Variants in ZBP1 observed in about 807,000 individuals in gnomAD.
ZBP1 encodes Z-DNA-binding protein 1.
Under a neutral mutation model 41.1 loss-of-function variants are expected in ZBP1, and 42 were observed. The ratio of observed to expected loss-of-function variants is 1.02; its 90% CI spans 0.80 to 1.32. The LOEUF is 1.32. Ranked by LOEUF, ZBP1 falls within the 40% of genes most tolerant of loss-of-function variation. The pLI is 0.00. For missense variants in ZBP1, 562 were observed against 549.7 expected, an observed-to-expected ratio of 1.02 and a Z score of -0.22; for synonymous variants, 214 against 205.2, an observed-to-expected ratio of 1.04 and a Z score of -0.37.
At position 57,604,581 on chromosome 20, in the gene ZBP1, C is replaced by A; in HGVS notation, c.1282G>T (p.Gly428Trp). ...CCACGTGAGGCTGTGCACTAAATCCCACCTCCCCACCAGCTCCCCTCGTGT... is the reference window on the plus strand; with the variant it reads ...CCACGTGAGGCTGTGCACTAAATCCAACCTCCCCACCAGCTCCCCTCGTGT... ...ASHEGSWWGGGI is the reference protein window; with the variant it reads ...ASHEGSWWGGWI Residue 428 changes from glycine (G) to tryptophan (W), a missense_variant, in exon 8 of 8, where the codon GGG becomes TGG. Gly to Trp is a radical substitution (Grantham distance 184). Coordinates refer to ENST00000371173, the MANE Select transcript of ZBP1 (RefSeq NM_030776.3). 1 of 1,613,262 alleles carries A rather than the reference C, an allele frequency of 6.2e-7. No homozygotes were observed. The highest frequency in any genetic ancestry group is 1.7e-5 in the Admixed American group (1 of 59,986).
At chr20:57,614,194 C>T (rs1431900958) in intron 4 of ZBP1, among the ~76,000 whole-genome samples, 1 of 152,052 alleles carries the variant, frequency 6.6e-6, no homozygotes, top group Non-Finnish European at 1.5e-5. Context: ...ACCACCACAC[C>T]TGGCTAATTT....
chr20:57,607,116 C>G, intron 7 of ZBP1: 1 of 1,304,280 alleles, frequency 7.7e-7, no homozygotes, highest in African/African-American at 1.5e-5. Flanking sequence ...AGTGATTCCT[C>G]AGATGGATCT....
intron 7 of ZBP1, among the ~76,000 whole-genome samples, chr20:57,607,879 C>T (rs6025660): frequency 7.2e-5 from 11 of 152,116 alleles, no homozygotes; most frequent in African/African-American, 2.7e-4. Flanking sequence ...CAGTGCACAC[C>T]TAATAGACTA....
chr20:57,604,394 A>T lies in ZBP1; in HGVS notation c.*179T>A. ...CCTGTCATCTACTCCTGGCCATCAA[A>T]AGACCTGGCCTGAACCCATCCCCAT... On this transcript the variant is annotated 3_prime_UTR_variant, in exon 8 of 8. Coordinates refer to ENST00000371173, the MANE Select transcript of ZBP1 (RefSeq NM_030776.3). 1.3e-6 allele frequency: 1 copy of T among 777,460 alleles called. No individual in the cohort carries two copies. The highest frequency in any genetic ancestry group is 2.2e-6 in the Non-Finnish European group (1 of 452,930). The allele number at this position is 777,460 out of a possible 1,614,324, so 48.2% of individuals were successfully genotyped here.
chr20:57,606,544 G>A lies in ZBP1; in HGVS notation c.1094-1775C>T, dbSNP rs376980903. 1.2e-4 allele frequency among the ~76,000 whole-genome samples: 18 copies of A among 152,354 alleles called. No individual in the cohort carries two copies. The East Asian group carries it at 1.7e-3, about 15-fold the overall frequency. On this transcript the variant is annotated intron_variant, in intron 7 of 7. Transcript: ENST00000371173. ...AAACAGCCTTCTATTGAAAAAAGAT[G>A]TCATCTAGAACTTTCATAACTCGAA...
chr20:57,610,598 G>A lies in ZBP1; in HGVS notation c.875-231C>T, dbSNP rs1157646066. ...GCTCCACTGATCCCGCAGTGGGTCT[G>A]CCCCACTGATCCCGCCCGGCTGATC... On this transcript the variant is annotated intron_variant, in intron 6 of 7. Transcript: ENST00000371173. The surrounding 1 kb of genome is among the most constrained non-coding windows in gnomAD (Gnocchi z 5.5). 1.7e-6 allele frequency: 1 copy of A among 588,558 alleles called. No homozygotes were observed. The highest frequency in any genetic ancestry group is 3.0e-5 in the Admixed American group (1 of 33,562). 36.5% of individuals were successfully genotyped at this position (588,558 alleles called of 1,614,324 possible). A position where few individuals can be genotyped will look rare whatever the true frequency, so the allele number is the denominator to read the frequency against.
intron 7 of ZBP1, among the ~76,000 whole-genome samples, chr20:57,608,726 G>A (rs947674067): frequency 6.6e-6 from 1 of 152,210 alleles, no homozygotes; most frequent in Non-Finnish European, 1.5e-5. Flanking sequence ...GGTCCTGGAG[G>A]GAGAGTTTGA....
At chr20:57,615,816 C>A in intron 2 of ZBP1, 1 of 553,090 alleles carries the variant, frequency 1.8e-6, no homozygotes, top group South Asian at 2.4e-5. Flanking sequence ...TGTGTGAGGG[C>A]TGGGTGAACC....
chr20:57,620,139 C>G, intron 1 of ZBP1, 123 bp downstream of exon 1: 1 of 1,229,450 alleles, frequency 8.1e-7, no homozygotes, highest in South Asian at 1.3e-5. Flanking sequence ...CCCAGCTGGT[C>G]TACTATTCTT....
chr20:57,616,396 T>G lies in ZBP1; in HGVS notation c.107A>C (p.Lys36Thr). 1 of 1,614,182 alleles carries G rather than the reference T, an allele frequency of 6.2e-7. No individual in the cohort carries two copies. Among genetic ancestry groups the G allele is most frequent in the Non-Finnish European group, 8.5e-7 (1 of 1,180,026 alleles). The stretch of plus-strand genomic sequence containing the variant: ...CTCCCTCTTGGGTGCTTGGCATTCC[T>G]TCACCAGCTGGGCAAGTTTCACCGG... ...GSPVKLAQLV[K>T]ECQAPKRELN... Residue 36 changes from lysine to threonine, a missense_variant, in exon 2 of 8, where the codon AAG becomes ACG. Transcript: ENST00000371173.
At chr20:57,616,577 T>A in intron 1 of ZBP1, 109 bp from the exon 2 acceptor site, 1 of 1,164,916 alleles carries the variant, frequency 8.6e-7, no homozygotes, top group Non-Finnish European at 1.2e-6. Flanking sequence ...TTGAGAGGGG[T>A]CCAGGGCAGA....
intron 1 of ZBP1, 160 bp downstream of exon 1, chr20:57,620,102 C>T: frequency 1.2e-6 from 1 of 828,472 alleles, no homozygotes; most frequent in Non-Finnish European, 2.0e-6. Flanking sequence ...TCCCAAAGTG[C>T]TGGGATTACA....
intron 4 of ZBP1, among the ~76,000 whole-genome samples, chr20:57,614,483 C>T (rs147311690): frequency 7.9e-5 from 12 of 152,226 alleles, no homozygotes; most frequent in East Asian, 1.9e-4. Flanking sequence ...GCTGACCCTG[C>T]GCTGACCCTG....
chr20:57,609,244 C>T (rs556779557), intron 7 of ZBP1, among the ~76,000 whole-genome samples: 13 of 152,350 alleles, frequency 8.5e-5, no homozygotes, highest in South Asian at 8.3e-4. Flanking sequence ...TGCCCCCACC[C>T]GAGGCCCCGA....
rs996321414 is a variant in ZBP1, at chr20:57,610,589, A to G, written c.875-222T>C. 3 of 594,534 alleles carry G rather than the reference A, an allele frequency of 5.0e-6. No individual in the cohort carries two copies. The highest frequency in any genetic ancestry group is 9.0e-6 in the Non-Finnish European group (3 of 333,938). The allele number at this position is 594,534 out of a possible 1,614,324, so 36.8% of individuals were successfully genotyped here. On this transcript the variant is annotated intron_variant, in intron 6 of 7. Transcript: ENST00000371173. This position sits in a 1 kb window ranked among gnomAD's most constrained non-coding sequence, Gnocchi z 5.5. Reference sequence around the variant, plus strand: ...CGTCTTTCTGCTCCACTGATCCCGCAGTGGGTCTGCCCCACTGATCCCGCC... The same window carrying G: ...CGTCTTTCTGCTCCACTGATCCCGCGGTGGGTCTGCCCCACTGATCCCGCC...
chr20:57,607,655 G>A lies in ZBP1; in HGVS notation c.1093+2494C>T, dbSNP rs115645038. ...GAAAGGAAGAGTTCATTGCTGCAGC[G>A]AACTTCATTGTTGCCTTATTTTAAG... On this transcript the variant is annotated intron_variant, in intron 7 of 7. Transcript: ENST00000371173. Among the ~76,000 whole-genome samples the A allele has an allele frequency of 7.9e-3, 1,200 of 152,200 alleles. 12 individuals carry two copies. Among genetic ancestry groups the A allele is most frequent in the African/African-American group, 0.028 (1,145 of 41,518 alleles).
chr20:57,610,102 G>A lies in ZBP1; in HGVS notation c.1093+47C>T, dbSNP rs985532762. On this transcript the variant is annotated intron_variant, in intron 7 of 7. Coordinates refer to ENST00000371173, the MANE Select transcript of ZBP1 (RefSeq NM_030776.3). The surrounding 1 kb of genome is among the most constrained non-coding windows in gnomAD (Gnocchi z 5.5). The stretch of plus-strand genomic sequence containing the variant: ...TGAATGAATGAATGAGTGGAAGGTG[G>A]GGAGAGAGAGAGAACACACAGGGGT... The A allele has an allele frequency of 1.3e-6, 2 of 1,534,970 alleles. No individual in the cohort carries two copies. Among genetic ancestry groups the A allele is most frequent in the Non-Finnish European group, 1.8e-6 (2 of 1,111,942 alleles).
chr20:57,606,944 G>A (rs2070512782), intron 7 of ZBP1: 1 of 1,170,126 alleles, frequency 8.5e-7, no homozygotes, highest in African/African-American at 1.6e-5. Flanking sequence ...CAATGCACCT[G>A]TTCATCCACG....
intron 7 of ZBP1, among the ~76,000 whole-genome samples, chr20:57,605,145 C>A (rs2146551570): frequency 7.5e-6 from 1 of 132,978 alleles, no homozygotes; most frequent in East Asian, 2.6e-4. Context: ...AAAACAAAAA[C>A]CATTCCAGGC....
Sources: allele counts gnomAD v4.1 joint callset (sites outside exome capture counted in the v4.1 genomes callset), GRCh38; gene constraint gnomAD v4.1.1; non-coding constraint Gnocchi (gnomAD v3.1); transcripts MANE v1.5; gene names NCBI Gene and HGNC (gene_info 2026-07-23, HGNC 2026-07-21).